TMC5: variants seen among roughly 807,000 people sequenced by gnomAD.
TMC5 encodes transmembrane channel-like protein 5.
TMC5 carries 86 observed loss-of-function variants against 110.5 expected under a neutral mutation model. The ratio of observed to expected loss-of-function variants is 0.78; its 90% confidence interval spans 0.65 to 0.93. TMC5 has a LOEUF of 0.93. TMC5 is among the 40% of genes least tolerant of loss of function. The probability of loss-of-function intolerance (pLI) is 0.00; values close to 1 mark genes in which losing one functional copy is unlikely to be tolerated. For missense variants in TMC5, 1,144 were observed against 1,222.8 expected (o/e 0.94, Z 0.96); for synonymous variants, 455 against 439.5 (o/e 1.04, Z -0.44).
chr16:19,440,413 A>C lies in TMC5; in HGVS notation c.375A>C (p.Gln125His). ...SHPYHRASSR[Q>H]PDYPGSQRNP... Reference sequence around the variant, plus strand: ...CCTACCACCGAGCATCATCCAGACAACCAGACTACCCTGGATCTCAACGAA... The same window carrying C: ...CCTACCACCGAGCATCATCCAGACACCCAGACTACCCTGGATCTCAACGAA... The change falls in exon 3 of 22, where the codon CAA (glutamine) becomes CAC (histidine). Residue 125 changes from glutamine to histidine, a missense_variant. Gln to His is a conservative substitution (Grantham distance 24). Coordinates refer to ENST00000542583, the MANE Select transcript of TMC5 (RefSeq NM_001261841.2). 6.2e-7 allele frequency: 1 copy of C among 1,614,024 alleles called. No homozygotes were observed. Among genetic ancestry groups the C allele is most frequent in the Non-Finnish European group, 8.5e-7 (1 of 1,180,002 alleles).
intron 1 of TMC5, among the ~76,000 whole-genome samples, chr16:19,429,583 C>T (rs1315487942): frequency 6.6e-6 from 1 of 152,148 alleles, no homozygotes; most frequent in Non-Finnish European, 1.5e-5. Context: ...CTCTGGCAAC[C>T]ACTCGTCCAT....
intron 21 of TMC5, 35 bp from the exon 22 acceptor site, chr16:19,497,885 C>T: frequency 1.2e-6 from 2 of 1,608,674 alleles, no homozygotes; most frequent in Non-Finnish European, 1.7e-6. Context: ...GCAGAGTGTG[C>T]CTGCGTTAAC....
chr16:19,468,630 T>C (rs1968247418), intron 9 of TMC5, among the ~76,000 whole-genome samples: 1 of 152,160 alleles, frequency 6.6e-6, no homozygotes, highest in Admixed American at 6.5e-5. Context: ...CAAGGGTCTT[T>C]ATAAGAGGCA....
intron 10 of TMC5, among the ~76,000 whole-genome samples, chr16:19,470,659 T>G (rs1188759310): frequency 7.1e-6 from 1 of 141,758 alleles, no homozygotes; most frequent in Non-Finnish European, 1.5e-5. Flanking sequence ...CAGAGAATTA[T>G]GCAGCCCACC....
chr16:19,421,936 A>AAG (rs1217483115), intron 1 of TMC5, among the ~76,000 whole-genome samples: 1 of 152,012 alleles, frequency 6.6e-6, no homozygotes, highest in Non-Finnish European at 1.5e-5. Flanking sequence ...TCTCTTAAAA[A>AAG]AGAGAGAGAG....
chr16:19,497,227 A>C lies in TMC5; in HGVS notation c.2974+64A>C. 3.3e-6 allele frequency: 5 copies of C among 1,536,622 alleles called. No individual in the cohort carries two copies. In the South Asian group the frequency reaches 4.6e-5, roughly 14 times the overall value. ...ATTTCTGGTGAAATATCCTAAGACAAGTGTAAGAATTGCTCATGTGTCCAT... is the reference window on the plus strand; with the variant it reads ...ATTTCTGGTGAAATATCCTAAGACACGTGTAAGAATTGCTCATGTGTCCAT... On this transcript the variant is annotated intron_variant, in intron 21 of 21. Coordinates refer to ENST00000542583, the MANE Select transcript of TMC5 (RefSeq NM_001261841.2).
intron 13 of TMC5, among the ~76,000 whole-genome samples, chr16:19,478,812 CCCATCCATCAT>C (rs1303536242): frequency 2.0e-5 from 3 of 152,086 alleles, no homozygotes; most frequent in Admixed American, 6.6e-5. Context: ...CATCCATTTA[CCCATCCATCAT>C]CCATCCATCC....
chr16:19,424,755 T>C (rs1967056508), intron 1 of TMC5, among the ~76,000 whole-genome samples: 2 of 152,114 alleles, frequency 1.3e-5, no homozygotes. Context: ...TCCCAGTGAG[T>C]TGGGGTGTGT....
At chr16:19,495,025 T>G (rs1442195994) in intron 20 of TMC5, among the ~76,000 whole-genome samples, 110 of 50,354 alleles carry the variant, frequency 2.2e-3, no homozygotes, top group South Asian at 4.4e-3. Context: ...TTTTTTTTTT[T>G]TTTTTTTGAG....
chr16:19,482,300 C>G (rs565492126), intron 15 of TMC5, among the ~76,000 whole-genome samples: 1 of 152,096 alleles, frequency 6.6e-6, no homozygotes, highest in Non-Finnish European at 1.5e-5. Context: ...TCAGGTGATC[C>G]GCCCACCTTG....
intron 2 of TMC5, among the ~76,000 whole-genome samples, chr16:19,435,567 C>T (rs1292096981): frequency 6.7e-6 from 1 of 149,922 alleles, no homozygotes; most frequent in Non-Finnish European, 1.5e-5. Context: ...AAGTGTGCAA[C>T]CTGATGGATT....
intron 6 of TMC5, among the ~76,000 whole-genome samples, chr16:19,460,855 G>C (rs1187222854): frequency 1.3e-5 from 2 of 152,200 alleles, no homozygotes; most frequent in African/African-American, 4.8e-5. Flanking sequence ...GGAGTGGAAA[G>C]TTCTACAGAG....
chr16:19,483,805 G>T (rs1277320790), intron 15 of TMC5, among the ~76,000 whole-genome samples: 1 of 150,782 alleles, frequency 6.6e-6, no homozygotes, highest in Non-Finnish European at 1.5e-5. Context: ...AAAAGAAAAG[G>T]CCAGGCACGG....
chr16:19,450,844 A>AT (rs1385933170), intron 5 of TMC5, among the ~76,000 whole-genome samples: 2 of 152,204 alleles, frequency 1.3e-5, no homozygotes, highest in African/African-American at 4.8e-5. Flanking sequence ...TCATATAATT[A>AT]TTATGATAAT....
At chr16:19,461,081 T>C (rs1968010164) in intron 6 of TMC5, among the ~76,000 whole-genome samples, 1 of 152,124 alleles carries the variant, frequency 6.6e-6, no homozygotes, top group Admixed American at 6.6e-5. Context: ...TGGACATCGG[T>C]GGAAAAACTG....
chr16:19,479,561 C>G, intron 14 of TMC5, 33 bp downstream of exon 14: 2 of 1,474,092 alleles, frequency 1.4e-6, no homozygotes, highest in Non-Finnish European at 9.5e-7. Flanking sequence ...TAATTAGGGC[C>G]TGATGCTGTA....
intron 5 of TMC5, chr16:19,456,453 G>A (rs1189692722): frequency 2.6e-6 from 3 of 1,172,708 alleles, no homozygotes; most frequent in Non-Finnish European, 3.2e-6. Flanking sequence ...TACCAAGACA[G>A]AATTCTCTGC....
rs71384414 is a variant in TMC5 at position 19,473,432 on chromosome 16, G to C, written c.1939-693G>C. 4.9e-5 allele frequency among the ~76,000 whole-genome samples: 7 copies of C among 142,618 alleles called. No individual in the cohort carries two copies. The South Asian group carries it at 6.8e-4, about 14-fold the overall frequency. The allele number at this position is 142,618 out of a possible 152,430, so 93.6% of individuals were successfully genotyped here. A position where few individuals can be genotyped will look rare whatever the true frequency, so the allele number is the denominator to read the frequency against. On this transcript the variant is annotated intron_variant, in intron 11 of 21. Transcript: ENST00000542583. ...CGCCAACCCCCTAATTCAGAACTCA[G>C]AGAGAGGTGAAGCCTGGTGAAAATG...
Position 19,440,347 on chromosome 16 carries a change from C to G in TMC5, c.309C>G (p.Thr103=). The G allele has an allele frequency of 6.2e-7, 1 of 1,614,138 alleles. No homozygotes were observed. Among genetic ancestry groups the G allele is most frequent in the South Asian group, 1.1e-5 (1 of 91,082 alleles). ...AASRTSPDHP[T]SLPEPDYSEF... is the part of the protein sequence containing the mutation. The stretch of plus-strand genomic sequence containing the variant: ...CTAGAACAAGCCCAGACCATCCTAC[C>G]TCTCTACCAGAGCCAGATTATAGTG... The change falls in exon 3 of 22, where the codon ACC becomes ACG. Residue 103 remains threonine, a synonymous_variant. Coordinates refer to ENST00000542583, the MANE Select transcript of TMC5 (RefSeq NM_001261841.2).
Sources: gnomAD v4.1 joint callset for allele counts (sites outside exome capture counted in the v4.1 genomes callset) on GRCh38, gnomAD v4.1.1 for gene constraint, MANE v1.5 for transcripts, NCBI Gene and HGNC (gene_info 2026-07-23, HGNC 2026-07-21) for gene names.